NUMBL: variants seen among roughly 807,000 people sequenced by gnomAD.
NUMBL encodes the protein numb-like protein.
Under a neutral mutation model 48.9 loss-of-function variants are expected in NUMBL, and 20 were observed. The observed-to-expected ratio is 0.41, with a 90% CI of 0.29 to 0.59. The LOEUF (loss-of-function observed/expected upper bound fraction) is 0.59. NUMBL is among the 20% of genes least tolerant of loss of function. NUMBL has a pLI of 0.31. For synonymous variants in NUMBL, 340 were observed against 348.7 expected, an observed-to-expected ratio of 0.98 and a Z score of 0.28; for missense variants, 660 against 846.2, an observed-to-expected ratio of 0.78 and a Z score of 2.73.
chr19:40,684,254 G>C, intron 3 of NUMBL, 163 bp downstream of exon 3: 2 of 705,066 alleles, frequency 2.8e-6, no homozygotes, highest in Admixed American at 3.1e-5. Context: ...ATTTCTAGTA[G>C]AGCCGGGGTT....
chr19:40,679,753 T>C (rs2081895442), intron 6 of NUMBL, among the ~76,000 whole-genome samples: 1 of 151,954 alleles, frequency 6.6e-6, no homozygotes, highest in Admixed American at 6.6e-5. Context: ...TTAAATGAAA[T>C]ATCCAGAATA....
chr19:40,681,519 T>TG (rs2081905033), intron 5 of NUMBL, among the ~76,000 whole-genome samples: 2 of 152,190 alleles, frequency 1.3e-5, no homozygotes, highest in African/African-American at 2.4e-5. Flanking sequence ...GGGCAGTCTC[T>TG]GGGCTGGGGG....
At chr19:40,678,445 G>C (rs2081889209) in intron 6 of NUMBL, among the ~76,000 whole-genome samples, 1 of 152,164 alleles carries the variant, frequency 6.6e-6, no homozygotes, top group African/African-American at 2.4e-5. Flanking sequence ...TTACAGGCGT[G>C]AGCCACCATG....
chr19:40,686,188 T>C (rs1441049776), intron 2 of NUMBL: 3 of 151,774 alleles, frequency 2.0e-5, no homozygotes, highest in Non-Finnish European at 4.4e-5. Flanking sequence ...TTTGCTCTTG[T>C]TGCGAATGAA....
rs112040612 is a variant in NUMBL at position 40,679,698 on chromosome 19, A to G, written c.540+1219T>C. ...TGTTTCAAAAACAAACAAAAACACA[A>G]CATTACACTAAGTAAAGAAGCCAGA... is the stretch of plus-strand genomic sequence containing the variant. On this transcript the variant is annotated intron_variant, in intron 6 of 9. Coordinates refer to ENST00000252891, the MANE Select transcript of NUMBL (RefSeq NM_004756.5). Among the ~76,000 whole-genome samples, 250 of 152,186 alleles carry G rather than the reference A, an allele frequency of 1.6e-3. 1 individual carries two copies. Among genetic ancestry groups the G allele is most frequent in the African/African-American group, 5.7e-3 (235 of 41,534 alleles).
Position 40,673,613 on chromosome 19 carries a change from G to C in NUMBL, c.767C>G (p.Pro256Arg). 2 of 1,513,654 alleles carry C rather than the reference G, an allele frequency of 1.3e-6. No individual in the cohort carries two copies. Among genetic ancestry groups the C allele is most frequent in the South Asian group, 1.3e-5 (1 of 79,854 alleles). The allele number at this position is 1,513,654 out of a possible 1,614,324, so 93.8% of individuals were successfully genotyped here. Reference sequence around the variant, plus strand: ...CGGGGACACGTGCCCAGGCTGGGCAGGGCCAGGAGCCACAGTGGGGGCAGC... The same window carrying C: ...CGGGGACACGTGCCCAGGCTGGGCACGGCCAGGAGCCACAGTGGGGGCAGC... The part of the protein sequence containing the change: ...AAAAPTVAPG[P>R]AQPGHVSPTP... Residue 256 changes from proline (P) to arginine (R), a missense_variant, in exon 8 of 10, where the codon CCT (proline) becomes CGT (arginine). By Grantham distance (103) the Pro-to-Arg change is moderately radical (BLOSUM62 -2). This residue lies in a region of NUMBL where 278 missense variants were observed against 420.6 expected (regional missense o/e 0.66). Coordinates refer to ENST00000252891, the MANE Select transcript of NUMBL (RefSeq NM_004756.5). The surrounding 1 kb of genome is among the most constrained non-coding windows in gnomAD (Gnocchi z 5.9).
At chr19:40,681,478 C>T (rs2081904911) in intron 5 of NUMBL, among the ~76,000 whole-genome samples, 1 of 152,082 alleles carries the variant, frequency 6.6e-6, no homozygotes, top group Non-Finnish European at 1.5e-5. Flanking sequence ...TGTTATTAAC[C>T]CAACTCTCAG....
At chr19:40,669,091 C>G (rs1160814441) in intron 9 of NUMBL, among the ~76,000 whole-genome samples, 1 of 152,056 alleles carries the variant, frequency 6.6e-6, no homozygotes, top group East Asian at 1.9e-4. Flanking sequence ...CTGAGGTGAC[C>G]CCGTGGCTCT....
chr19:40,677,059 C>G (rs2081880018), intron 7 of NUMBL, among the ~76,000 whole-genome samples, 173 bp downstream of exon 7: 1 of 152,172 alleles, frequency 6.6e-6, no homozygotes. Context: ...AGCGATCCGC[C>G]CATCTCGGCC....
At position 40,679,023 on chromosome 19, in the gene NUMBL, G is replaced by A. The variant is rs374887122; in HGVS notation, c.541-1602C>T. ...GGAGAATCACTTGAAGGTTGGAGGC[G>A]GAGGTTTCAGTGAGCCAAGATCGTG... is the stretch of plus-strand genomic sequence containing the variant. On this transcript the variant is annotated intron_variant, in intron 6 of 9. Coordinates refer to ENST00000252891, the MANE Select transcript of NUMBL (RefSeq NM_004756.5). 3.2e-4 allele frequency among the ~76,000 whole-genome samples: 49 copies of A among 152,216 alleles called. 1 individual carries two copies. Among genetic ancestry groups the A allele is most frequent in the African/African-American group, 9.6e-4 (40 of 41,542 alleles).
At position 40,673,928 on chromosome 19, in the gene NUMBL, C is replaced by T. The variant is rs965927991; in HGVS notation, c.731-279G>A. 2.0e-5 allele frequency among the ~76,000 whole-genome samples: 3 copies of T among 152,146 alleles called. No individual in the cohort carries two copies. Among genetic ancestry groups the T allele is most frequent in the African/African-American group, 7.2e-5 (3 of 41,408 alleles). ...TTGCCCTGCTGCTCTCACCATTCTT[C>T]CCTCTAAGACCCTCTATCTCCCTTT... On this transcript the variant is annotated intron_variant, in intron 7 of 9. Coordinates refer to ENST00000252891, the MANE Select transcript of NUMBL (RefSeq NM_004756.5). This position sits in a 1 kb window ranked among gnomAD's most constrained non-coding sequence, Gnocchi z 5.9.
Position 40,687,356 on chromosome 19 carries a change from G to C in NUMBL, c.25-361C>G, listed in dbSNP as rs1324092991. Reference sequence around the variant, plus strand: ...ATCTGGCCACAGCTTTACACACTTGGTTACACATAGACGCAATCACAGCTA... The same window carrying C: ...ATCTGGCCACAGCTTTACACACTTGCTTACACATAGACGCAATCACAGCTA... On this transcript the variant is annotated intron_variant, in intron 1 of 9. Transcript: ENST00000252891. This position sits in a 1 kb window ranked among gnomAD's most constrained non-coding sequence, Gnocchi z 4.6. Among the ~76,000 whole-genome samples the C allele has an allele frequency of 7.9e-5, 12 of 152,128 alleles. No homozygotes were observed.
rs540323786 is a variant in NUMBL at position 40,684,225 on chromosome 19, C to T, written c.249+192G>A. Reference sequence around the variant, plus strand: ...CTGGGACTACAGGCGCCCGCCACCACGCGAGGCTAATTTGTTGTATTTCTA... The same window carrying T: ...CTGGGACTACAGGCGCCCGCCACCATGCGAGGCTAATTTGTTGTATTTCTA... On this transcript the variant is annotated intron_variant, in intron 3 of 9. Transcript: ENST00000252891. The T allele has an allele frequency of 6.0e-4, 360 of 600,312 alleles. 1 individual carries two copies. The African/African-American group carries it at 6.6e-3, about 11-fold the overall frequency. 37.2% of individuals were successfully genotyped at this position (600,312 alleles called of 1,614,324 possible).
chr19:40,670,480 T>C lies in NUMBL; in HGVS notation c.1037-460A>G, dbSNP rs562529943. Among the ~76,000 whole-genome samples, 5 of 151,998 alleles carry C rather than the reference T, an allele frequency of 3.3e-5. No homozygotes were observed. In the East Asian group the frequency reaches 7.7e-4, roughly 24 times the overall value. ...CACCCAGGCTGATCTATGGCAAACA[T>C]CATGAGAGCAGAGATACACCTGTGC... On this transcript the variant is annotated intron_variant, in intron 8 of 9. Transcript: ENST00000252891.
intron 6 of NUMBL, among the ~76,000 whole-genome samples, chr19:40,679,091 C>A (rs1417763331): frequency 6.6e-6 from 1 of 151,878 alleles, no homozygotes; most frequent in Admixed American, 6.6e-5. Flanking sequence ...GACTCCGTCT[C>A]AAAAAAAGGA....
Position 40,690,461 on chromosome 19 carries a change from C to A in NUMBL, c.23G>T (p.Ser8Ile). The change falls in exon 1 of 10, where the codon AGC becomes ATC. Residue 8 changes from serine (S) to isoleucine (I), a missense_variant and splice_region_variant. Physicochemically the swap from Ser to Ile is moderately radical, Grantham distance 142. Transcript: ENST00000252891. MSRSAAASGGPRRPERHL... is the reference protein window; with the variant it reads MSRSAAAIGGPRRPERHL... The stretch of plus-strand genomic sequence containing the variant: ...GCCCCCCTCTCCCGCCCTTCTCACG[C>A]TGGCCGCCGCGCTGCGGGACATCCA... 2 of 1,305,046 alleles carry A rather than the reference C, an allele frequency of 1.5e-6. No individual in the cohort carries two copies. Among genetic ancestry groups the A allele is most frequent in the Non-Finnish European group, 2.0e-6 (2 of 1,023,160 alleles). The allele number at this position is 1,305,046 out of a possible 1,614,324, so 80.8% of individuals were successfully genotyped here. A position where few individuals can be genotyped will look rare whatever the true frequency, so the allele number is the denominator to read the frequency against.
intron 9 of NUMBL, among the ~76,000 whole-genome samples, chr19:40,668,901 G>A (rs1361411493): frequency 6.6e-6 from 1 of 152,140 alleles, no homozygotes. Context: ...ACAGTTTAGG[G>A]TTGGGCTTTC....
In NUMBL at chr19:40,681,000, G is replaced by C; in HGVS notation, c.457C>G (p.Leu153Val). ...CAGATATAGGAGAAAGCCTTGTCCA[G>C]GTTGCGGTCAGGAGCACAAAAGGAG... Reference protein sequence around the residue: ...KVSFCAPDRNLDKAFSYICRD... With the variant: ...KVSFCAPDRNVDKAFSYICRD... The change falls in exon 6 of 10, where the codon CTG (leucine) becomes GTG (valine). Residue 153 changes from leucine (L) to valine (V), a missense_variant. Coordinates refer to ENST00000252891, the MANE Select transcript of NUMBL (RefSeq NM_004756.5). The C allele has an allele frequency of 6.2e-7, 1 of 1,614,230 alleles. No homozygotes were observed. The highest frequency in any genetic ancestry group is 8.5e-7 in the Non-Finnish European group (1 of 1,180,042).
rs1238077856 is a variant in NUMBL at position 40,686,925 on chromosome 19, C to A, written c.95G>T (p.Cys32Phe). 1.3e-6 allele frequency: 2 copies of A among 1,544,408 alleles called. No individual in the cohort carries two copies. The highest frequency in any genetic ancestry group is 1.8e-6 in the Non-Finnish European group (2 of 1,141,348). Residue 32 changes from cysteine (C) to phenylalanine (F), a missense_variant, in exon 2 of 10, where the codon TGC (cysteine) becomes TTC (phenylalanine). Physicochemically the swap from Cys to Phe is radical, Grantham distance 205. Transcript: ENST00000252891. ...TGGTCGCTCACCTGGCTCCGTCCTG[C>A]AGGTTTCTGGGGGCCCCGGGGCCCC... ...PCGAPGPPETCRTEPDGAGTM... is the reference protein window; with the variant it reads ...PCGAPGPPETFRTEPDGAGTM...
Sources: gnomAD v4.1 joint callset for allele counts (sites outside exome capture counted in the v4.1 genomes callset) on GRCh38, gnomAD v4.1.1 for gene constraint, gnomAD v4.1.1 regional missense constraint, Gnocchi (gnomAD v3.1) non-coding constraint, MANE v1.5 for transcripts, NCBI Gene and HGNC (gene_info 2026-07-23, HGNC 2026-07-21) for gene names.